The following PRKN variants were observed in gnomAD, a reference collection of about 807,000 sequenced individuals.
PRKN encodes parkin RBR E3 ubiquitin protein ligase.
Under a neutral mutation model 59.5 loss-of-function variants are expected in PRKN, and 56 were observed. That is an observed-to-expected ratio of 0.94 (90% CI 0.76 to 1.18). The LOEUF is 1.18. PRKN is among the 50% of genes most tolerant of loss of function. The pLI, the probability that PRKN is intolerant of heterozygous loss-of-function variation, is 0.00. For synonymous variants in PRKN, 250 were observed against 222.1 expected (o/e 1.13, Z -1.12); for missense variants, 657 against 596.4 (o/e 1.10, Z -1.06).
At chr6:162,234,386 T>C (rs1028659420) in intron 3 of PRKN, among the ~76,000 whole-genome samples, 1 of 152,204 alleles carries the variant, frequency 6.6e-6, no homozygotes, top group Non-Finnish European at 1.5e-5. Flanking sequence ...AGTTGGTTCA[T>C]TGAAAAGATT....
chr6:161,716,913 A>C (rs1279634104), intron 7 of PRKN, among the ~76,000 whole-genome samples: 17 of 152,196 alleles, frequency 1.1e-4, no homozygotes, highest in Admixed American at 1.1e-3. Context: ...AGGGAAAGAC[A>C]AGATGAGCCT....
At chr6:161,364,491 A>G (rs1785114881) in intron 10 of PRKN, among the ~76,000 whole-genome samples, 1 of 151,008 alleles carries the variant, frequency 6.6e-6, no homozygotes, top group Non-Finnish European at 1.5e-5. Context: ...AAAAAAAAAA[A>G]AAAAAAAAGA....
chr6:162,328,685 G>T (rs1203438320), intron 2 of PRKN, among the ~76,000 whole-genome samples: 1 of 152,196 alleles, frequency 6.6e-6, no homozygotes, highest in African/African-American at 2.4e-5. Flanking sequence ...CTCCTGGAAA[G>T]AGGAACCAAG....
At chr6:162,535,496 AG>A (rs1197895563) in intron 1 of PRKN, among the ~76,000 whole-genome samples, 5 of 152,146 alleles carry the variant, frequency 3.3e-5, no homozygotes, top group Non-Finnish European at 7.3e-5. Context: ...ATATATGAAT[AG>A]ATGGTGTGTG....
At chr6:161,638,031 T>C (rs1481405152) in intron 7 of PRKN, among the ~76,000 whole-genome samples, 1 of 151,848 alleles carries the variant, frequency 6.6e-6, no homozygotes, top group Non-Finnish European at 1.5e-5. Flanking sequence ...GGCCAGGGTA[T>C]TTTTTTTCAG....
At chr6:162,266,042 C>A (rs1780115524) in intron 2 of PRKN, among the ~76,000 whole-genome samples, 1 of 152,160 alleles carries the variant, frequency 6.6e-6, no homozygotes, top group Non-Finnish European at 1.5e-5. Context: ...GCATCAGGAT[C>A]CGAGTATACT....
chr6:161,918,311 T>C lies in PRKN; in HGVS notation c.734+54991A>G, dbSNP rs544463728. ...ACCCAGGAAGAGTGTGCGTGAAAGC[T>C]GGCTGATTAATCTGACTTACTTATG... On this transcript the variant is annotated intron_variant, in intron 6 of 11. Coordinates refer to ENST00000366898, the MANE Select transcript of PRKN (RefSeq NM_004562.3). 1.1e-4 allele frequency among the ~76,000 whole-genome samples: 16 copies of C among 152,294 alleles called. No homozygotes were observed. The South Asian group carries it at 3.3e-3, about 32-fold the overall frequency.
intron 7 of PRKN, among the ~76,000 whole-genome samples, chr6:161,701,003 C>A (rs1438342119): frequency 1.3e-5 from 2 of 152,176 alleles, no homozygotes; most frequent in Non-Finnish European, 2.9e-5. Context: ...AGAAAGACAA[C>A]TTCATTTTAT....
intron 5 of PRKN, among the ~76,000 whole-genome samples, chr6:162,007,411 T>G (rs1286688437): frequency 6.6e-6 from 1 of 152,168 alleles, no homozygotes; most frequent in Non-Finnish European, 1.5e-5. Context: ...TGAAAAAACT[T>G]CACCGTCCCA....
chr6:162,143,362 A>T (rs1312197130), intron 4 of PRKN, among the ~76,000 whole-genome samples: 1 of 152,104 alleles, frequency 6.6e-6, no homozygotes, highest in Non-Finnish European at 1.5e-5. Context: ...TATGGACTTG[A>T]TGGCTGATGT....
At chr6:161,780,705 G>A (rs1175787454) in intron 7 of PRKN, among the ~76,000 whole-genome samples, 11 of 152,124 alleles carry the variant, frequency 7.2e-5, no homozygotes, top group Non-Finnish European at 1.3e-4. Context: ...CGGTACATAC[G>A]TGAACATCAA....
At chr6:161,858,702 C>G (rs1583257146) in intron 6 of PRKN, among the ~76,000 whole-genome samples, 1 of 152,070 alleles carries the variant, frequency 6.6e-6, no homozygotes. Context: ...AATCCTTCCT[C>G]CTTATTCTAA....
At chr6:162,220,243 A>C (rs1777869653) in intron 3 of PRKN, among the ~76,000 whole-genome samples, 1 of 152,180 alleles carries the variant, frequency 6.6e-6, no homozygotes, top group African/African-American at 2.4e-5. Flanking sequence ...AAAACCTAGA[A>C]AATATCCTTC....
chr6:161,585,585 C>T (rs978897045), intron 7 of PRKN, among the ~76,000 whole-genome samples: 4 of 152,154 alleles, frequency 2.6e-5, no homozygotes, highest in African/African-American at 9.7e-5. Flanking sequence ...AATTAAATAG[C>T]GTTCAAATTG....
rs967761483 is a variant in PRKN at position 161,499,843 on chromosome 6, G to A, written c.1083+49011C>T. Among the ~76,000 whole-genome samples, 1 of 152,132 alleles carries A rather than the reference G, an allele frequency of 6.6e-6. No homozygotes were observed. The highest frequency in any genetic ancestry group is 6.5e-5 in the Admixed American group (1 of 15,276). Reference sequence around the variant, plus strand: ...AAAGACCCTTCAGAAGGTAGAATTTGGATGCCAAAATGCTATGATTTCTGA... The same window carrying A: ...AAAGACCCTTCAGAAGGTAGAATTTAGATGCCAAAATGCTATGATTTCTGA... On this transcript the variant is annotated intron_variant, in intron 9 of 11. Coordinates refer to ENST00000366898, the MANE Select transcript of PRKN (RefSeq NM_004562.3). This position sits in a 1 kb window ranked among gnomAD's most constrained non-coding sequence, Gnocchi z 4.2.
chr6:161,583,761 T>C (rs995568007), intron 7 of PRKN, among the ~76,000 whole-genome samples: 1 of 152,218 alleles, frequency 6.6e-6, no homozygotes, highest in Non-Finnish European at 1.5e-5. Flanking sequence ...ATAATAGGAA[T>C]GGGCATCATT....
At chr6:161,760,565 G>A (rs540802508) in intron 7 of PRKN, among the ~76,000 whole-genome samples, 9 of 151,904 alleles carry the variant, frequency 5.9e-5, no homozygotes, top group African/African-American at 1.9e-4. Flanking sequence ...GCCGGAAGCC[G>A]TCTAGCAGGG....
chr6:162,727,343 T>G lies in PRKN; in HGVS notation c.7+319A>C. ...TGAGGGGCGGCGGCGGGGAGAAGGC[T>G]TCGGGACCCCACACGGTCCGGGGGA... On this transcript the variant is annotated intron_variant, in intron 1 of 11. Coordinates refer to ENST00000366898, the MANE Select transcript of PRKN (RefSeq NM_004562.3). The G allele has an allele frequency of 1.0e-5, 3 of 299,186 alleles. No homozygotes were observed. The East Asian group carries it at 2.9e-4, about 29-fold the overall frequency. The allele number at this position is 299,186 out of a possible 1,614,324, so 18.5% of individuals were successfully genotyped here. A position where few individuals can be genotyped will look rare whatever the true frequency, so the allele number is the denominator to read the frequency against.
chr6:162,486,727 A>T (rs1167000916), intron 1 of PRKN, among the ~76,000 whole-genome samples: 1 of 152,166 alleles, frequency 6.6e-6, no homozygotes, highest in Non-Finnish European at 1.5e-5. Context: ...TACATGTAAG[A>T]CACCATATGG....
Sources: allele counts gnomAD v4.1 joint callset (sites outside exome capture counted in the v4.1 genomes callset), GRCh38; gene constraint gnomAD v4.1.1; non-coding constraint Gnocchi (gnomAD v3.1); transcripts MANE v1.5; gene names NCBI Gene and HGNC (gene_info 2026-07-23, HGNC 2026-07-21).